Variants in FRMD4A observed in about 807,000 individuals in gnomAD.
The protein encoded by FRMD4A is FERM domain containing 4A.
A neutral mutation model predicts 129.1 loss-of-function variants in FRMD4A; 29 were observed. The observed-to-expected ratio is 0.22, with a 90% CI of 0.17 to 0.31. The LOEUF is 0.31. Ranked by LOEUF, FRMD4A falls within the 10% of genes least tolerant of loss-of-function variation. The pLI is 1.00. For synonymous variants in FRMD4A, 634 were observed against 571.6 expected (o/e 1.11, Z -1.56); for missense variants, 1,272 against 1,375.8 (o/e 0.92, Z 1.19).
intron 4 of FRMD4A, among the ~76,000 whole-genome samples, chr10:13,801,225 A>G (rs891754914): frequency 6.6e-6 from 1 of 151,844 alleles, no homozygotes; most frequent in Non-Finnish European, 1.5e-5. Flanking sequence ...TCAGCCTGAC[A>G]ACAGAGTGGG....
At chr10:14,183,526 CTT>C (rs59446931) in intron 2 of FRMD4A, among the ~76,000 whole-genome samples, 99 of 143,424 alleles carry the variant, frequency 6.9e-4, no homozygotes, top group Non-Finnish European at 1.1e-3. Context: ...GGAGTTGTTT[CTT>C]TTTTTTTTTT....
Position 13,796,523 on chromosome 10 carries a change from C to T in FRMD4A, c.272G>A (p.Gly91Glu). 1 of 1,590,094 alleles carries T rather than the reference C, an allele frequency of 6.3e-7. No individual in the cohort carries two copies. Among genetic ancestry groups the T allele is most frequent in the Non-Finnish European group, 8.6e-7 (1 of 1,158,138 alleles). ...GACACAAAAGTATAAAACCACGGGT[C>T]CTGACTTTTTAGGGAAGTCATGTTC... is the stretch of plus-strand genomic sequence containing the variant. ...VLEHDFPKKS[G>E]PVVLYFCVRF... The change falls in exon 5 of 25, where the codon GGA (glycine) becomes GAA (glutamate). Residue 91 changes from glycine (G) to glutamate (E), a missense_variant. This residue lies in a region of FRMD4A where 300 missense variants were observed against 483.6 expected (regional missense o/e 0.62). Coordinates refer to ENST00000357447, the MANE Select transcript of FRMD4A (RefSeq NM_018027.5).
chr10:13,815,345 T>C (rs1047437869), intron 3 of FRMD4A, among the ~76,000 whole-genome samples: 6 of 152,118 alleles, frequency 3.9e-5, no homozygotes, highest in Non-Finnish European at 8.8e-5. Flanking sequence ...ATGAGGTAAT[T>C]AAACAGGCAA....
chr10:14,299,318 A>G (rs1373305454), intron 2 of FRMD4A, among the ~76,000 whole-genome samples: 1 of 152,212 alleles, frequency 6.6e-6, no homozygotes, highest in Non-Finnish European at 1.5e-5. Flanking sequence ...TTCAGCAGCA[A>G]GAACATGGCC....
At chr10:13,811,119 T>C (rs1216653655) in intron 3 of FRMD4A, among the ~76,000 whole-genome samples, 18 of 151,702 alleles carry the variant, frequency 1.2e-4, no homozygotes, top group Admixed American at 1.2e-3. Flanking sequence ...AGACCTTCTG[T>C]TTTGTTTCCT....
chr10:14,186,092 G>C (rs1043521002), intron 2 of FRMD4A, among the ~76,000 whole-genome samples: 2 of 149,438 alleles, frequency 1.3e-5, no homozygotes, highest in African/African-American at 5.0e-5. Context: ...AAGAGACAAA[G>C]ACACCAATGA....
chr10:14,151,866 G>T (rs1840355458), intron 2 of FRMD4A, among the ~76,000 whole-genome samples: 1 of 152,126 alleles, frequency 6.6e-6, no homozygotes, highest in African/African-American at 2.4e-5. Flanking sequence ...CTTCACTTAA[G>T]ATGAGTTCCC....
At chr10:13,733,802 G>C (rs2090461154) in intron 12 of FRMD4A, among the ~76,000 whole-genome samples, 1 of 152,222 alleles carries the variant, frequency 6.6e-6, no homozygotes, top group African/African-American at 2.4e-5. Flanking sequence ...GTAAGCTTCA[G>C]AGCCCATGCA....
At chr10:14,094,758 G>C (rs1030489719) in intron 2 of FRMD4A, among the ~76,000 whole-genome samples, 4 of 152,200 alleles carry the variant, frequency 2.6e-5, no homozygotes, top group African/African-American at 9.7e-5. Flanking sequence ...GATTGCTCAG[G>C]TTAGAGGTGT....
intron 2 of FRMD4A, among the ~76,000 whole-genome samples, chr10:14,012,817 C>A (rs2095686754): frequency 6.6e-6 from 1 of 152,176 alleles, no homozygotes; most frequent in Non-Finnish European, 1.5e-5. Flanking sequence ...ACTAGTGAGG[C>A]TGGCCTGTCT....
At chr10:14,311,877 G>C (rs182337380) in intron 2 of FRMD4A, among the ~76,000 whole-genome samples, 3 of 152,176 alleles carry the variant, frequency 2.0e-5, no homozygotes, top group Non-Finnish European at 2.9e-5. Flanking sequence ...AAGTTTTAGA[G>C]AGTATCTTGA....
chr10:13,827,168 C>A (rs1338197584), intron 3 of FRMD4A, among the ~76,000 whole-genome samples: 1 of 152,080 alleles, frequency 6.6e-6, no homozygotes, highest in Non-Finnish European at 1.5e-5. Flanking sequence ...AGGGAGATCT[C>A]GCGAGGTTAC....
intron 8 of FRMD4A, among the ~76,000 whole-genome samples, chr10:13,748,796 A>G (rs1013562830): frequency 2.0e-5 from 3 of 152,062 alleles, no homozygotes; most frequent in Non-Finnish European, 2.9e-5. Flanking sequence ...AGGATGCTCA[A>G]CCAGTTGGTA....
At chr10:14,154,338 T>C (rs1292100685) in intron 2 of FRMD4A, among the ~76,000 whole-genome samples, 1 of 152,174 alleles carries the variant, frequency 6.6e-6, no homozygotes, top group Non-Finnish European at 1.5e-5. Context: ...CATTTTTTGA[T>C]ATCATTGAGA....
At chr10:13,852,621 C>T (rs2094155047) in intron 3 of FRMD4A, among the ~76,000 whole-genome samples, 1 of 152,116 alleles carries the variant, frequency 6.6e-6, no homozygotes, top group African/African-American at 2.4e-5. Flanking sequence ...ATCATTTTAA[C>T]ACGGACTCAC....
intron 6 of FRMD4A, among the ~76,000 whole-genome samples, chr10:13,773,619 TAAAA>T (rs760329864): frequency 2.2e-4 from 33 of 152,344 alleles, no homozygotes; most frequent in Non-Finnish European, 3.8e-4. Flanking sequence ...ATCTTTCTGA[TAAAA>T]AAACTAAACA....
intron 2 of FRMD4A, among the ~76,000 whole-genome samples, chr10:14,158,871 G>C (rs563673650): frequency 4.8e-4 from 72 of 150,452 alleles, no homozygotes; most frequent in African/African-American, 1.7e-3. Context: ...GGAGGAGGAG[G>C]AGGTAGCCTT....
intron 12 of FRMD4A, among the ~76,000 whole-genome samples, chr10:13,711,511 C>T (rs548109440): frequency 3.3e-5 from 5 of 152,210 alleles, no homozygotes; most frequent in Admixed American, 6.5e-5. Flanking sequence ...TCTGCCTCTC[C>T]GCATAAAAAC....
intron 2 of FRMD4A, among the ~76,000 whole-genome samples, chr10:14,229,272 G>T (rs1214109952): frequency 6.6e-6 from 1 of 151,872 alleles, no homozygotes; most frequent in Admixed American, 6.6e-5. Flanking sequence ...ATAAAGCATT[G>T]ACCACATAAG....
Sources: gnomAD v4.1 joint callset for allele counts (sites outside exome capture counted in the v4.1 genomes callset) on GRCh38, gnomAD v4.1.1 for gene constraint, gnomAD v4.1.1 regional missense constraint, MANE v1.5 for transcripts, NCBI Gene and HGNC (gene_info 2026-07-23, HGNC 2026-07-21) for gene names.